The following MOV10L1 variants were observed in gnomAD, a reference collection of about 807,000 sequenced individuals.
The protein encoded by MOV10L1 is RNA helicase Mov10l1.
Under a neutral mutation model 143.8 loss-of-function variants are expected in MOV10L1, and 110 were observed. The ratio of observed to expected loss-of-function variants is 0.76; its 90% CI spans 0.66 to 0.90. The LOEUF (loss-of-function observed/expected upper bound fraction) is 0.90. Ranked by LOEUF, MOV10L1 falls within the 40% of genes least tolerant of loss-of-function variation. The pLI is 0.00. For missense variants in MOV10L1, 1,406 were observed against 1,526.8 expected (o/e 0.92, Z 1.32); for synonymous variants, 593 against 581.1 (o/e 1.02, Z -0.29).
intron 6 of MOV10L1, among the ~76,000 whole-genome samples, chr22:50,114,067 C>T (rs1164465858): frequency 3.3e-5 from 5 of 151,524 alleles, no homozygotes; most frequent in African/African-American, 7.3e-5. Flanking sequence ...TACAGGCGCC[C>T]GCCACCACGC....
At chr22:50,153,467 G>A (rs925288723) in intron 22 of MOV10L1, among the ~76,000 whole-genome samples, 8 of 152,266 alleles carry the variant, frequency 5.3e-5, no homozygotes, top group Non-Finnish European at 1.0e-4. Flanking sequence ...CAGCAGACAA[G>A]CACTGGGCTC....
chr22:50,138,789 C>T (rs898978219), intron 15 of MOV10L1, among the ~76,000 whole-genome samples: 1 of 152,016 alleles, frequency 6.6e-6, no homozygotes, highest in Non-Finnish European at 1.5e-5. Context: ...CTGCAACCTC[C>T]GCCTCCCAGA....
At chr22:50,139,379 T>C (rs1269875859) in intron 15 of MOV10L1, among the ~76,000 whole-genome samples, 2 of 151,934 alleles carry the variant, frequency 1.3e-5, no homozygotes, top group Non-Finnish European at 2.9e-5. Context: ...AATGGATAAA[T>C]TGGACTTCAG....
At chr22:50,146,952 C>A in intron 19 of MOV10L1, 1 of 1,026,052 alleles carries the variant, frequency 9.7e-7, no homozygotes, top group African/African-American at 1.6e-5. Flanking sequence ...AGACTAGCCA[C>A]TGTGCGGTGC....
chr22:50,134,163 T>C (rs1018063425), intron 14 of MOV10L1, 98 bp downstream of exon 14: 21 of 925,386 alleles, frequency 2.3e-5, no homozygotes, highest in Non-Finnish European at 3.3e-5. Flanking sequence ...AGTCATAATA[T>C]TAGAAGTAAA....
chr22:50,155,919 T>G (rs570872413), intron 22 of MOV10L1, among the ~76,000 whole-genome samples: 10 of 152,222 alleles, frequency 6.6e-5, no homozygotes, highest in Admixed American at 3.3e-4. Flanking sequence ...GTCATGGTGG[T>G]GCACACTTGT....
At chr22:50,150,271 G>C (rs1025035578) in intron 20 of MOV10L1, among the ~76,000 whole-genome samples, 1 of 152,164 alleles carries the variant, frequency 6.6e-6, no homozygotes, top group Non-Finnish European at 1.5e-5. Flanking sequence ...CAGTCACCAG[G>C]CACTGTGGGG....
At chr22:50,103,273 C>G (rs1283876411) in intron 3 of MOV10L1, among the ~76,000 whole-genome samples, 1 of 152,192 alleles carries the variant, frequency 6.6e-6, no homozygotes. Context: ...CTGGCCTGCT[C>G]CTGAGGTTTG....
At position 50,125,587 on chromosome 22, in the gene MOV10L1, A is replaced by T. The variant is rs2062476666; in HGVS notation, c.1747+18A>T. On this transcript the variant is annotated intron_variant, in intron 11 of 26. Transcript: ENST00000262794. The stretch of plus-strand genomic sequence containing the variant: ...CTACGCAGGTGTGTTTGTTACTCAT[A>T]TGCTTCCCTGGGTGGACTAGCAGAG... 6.2e-7 allele frequency: 1 copy of T among 1,611,396 alleles called. No homozygotes were observed. The highest frequency in any genetic ancestry group is 1.3e-5 in the African/African-American group (1 of 74,936).
At chr22:50,157,011 C>T (rs1309724143) in intron 22 of MOV10L1, among the ~76,000 whole-genome samples, 2 of 152,178 alleles carry the variant, frequency 1.3e-5, no homozygotes, top group African/African-American at 2.4e-5. Context: ...ACATCCTCAC[C>T]ACCACTTATT....
chr22:50,120,089 A>G (rs568556649), intron 9 of MOV10L1, among the ~76,000 whole-genome samples: 9 of 152,324 alleles, frequency 5.9e-5, no homozygotes, highest in African/African-American at 2.2e-4. Flanking sequence ...GGCAGGACCC[A>G]GACAGAGCAG....
At chr22:50,127,154 A>G (rs4838807) in intron 12 of MOV10L1, among the ~76,000 whole-genome samples, 34,147 of 151,980 alleles carry the variant, frequency 0.22, 4,200 homozygotes, top group Admixed American at 0.35. Context: ...AGATGGCCGA[A>G]TGACCATCTT....
intron 22 of MOV10L1, among the ~76,000 whole-genome samples, chr22:50,156,409 C>A (rs976377366): frequency 6.6e-6 from 1 of 152,200 alleles, no homozygotes; most frequent in African/African-American, 2.4e-5. Flanking sequence ...AGCCACCACG[C>A]CTGGACTCCA....
At chr22:50,129,292 C>T (rs2062606110) in intron 13 of MOV10L1, among the ~76,000 whole-genome samples, 1 of 152,156 alleles carries the variant, frequency 6.6e-6, no homozygotes, top group Non-Finnish European at 1.5e-5. Context: ...GGTGCTGTGA[C>T]CTGGCACCCA....
chr22:50,140,466 G>A (rs1203342894), intron 15 of MOV10L1, among the ~76,000 whole-genome samples: 2 of 152,170 alleles, frequency 1.3e-5, no homozygotes, highest in Non-Finnish European at 2.9e-5. Flanking sequence ...GACCATGGGT[G>A]TCCAATCTTT....
At chr22:50,151,022 G>C (rs942223642) in intron 21 of MOV10L1, 123 bp downstream of exon 21, 1 of 1,252,898 alleles carries the variant, frequency 8.0e-7, no homozygotes, top group Non-Finnish European at 1.1e-6. Flanking sequence ...GTGCAGGGGA[G>C]CACCCACCAT....
At chr22:50,149,756 G>C in intron 20 of MOV10L1, 42 bp downstream of exon 20, 1 of 1,541,556 alleles carries the variant, frequency 6.5e-7, no homozygotes, top group Non-Finnish European at 8.9e-7. Flanking sequence ...TCCTCACCCC[G>C]TTCTCCTGAG....
rs576803631 is a variant in MOV10L1, at chr22:50,150,740, G to C, written c.2733G>C (p.Val911=). The change falls in exon 21 of 27, where the codon GTG becomes GTC. Residue 911 remains valine (V), a synonymous_variant. Transcript: ENST00000262794. ...GACGGGCCCTCTGTGTGCAGATCGT[G>C]CTGGCAGGAGACCCCATGCAGCTCG... ...GLMSDISGQI[V]LAGDPMQLGP... 2.6e-5 allele frequency: 42 copies of C among 1,613,848 alleles called. No homozygotes were observed. The South Asian group carries it at 2.9e-4, about 11-fold the overall frequency.
At chr22:50,144,375 T>C in intron 18 of MOV10L1, 132 bp downstream of exon 18, 1 of 1,167,184 alleles carries the variant, frequency 8.6e-7, no homozygotes, top group Non-Finnish European at 1.2e-6. Context: ...GTTTGAGAAA[T>C]GGCTCTGCCA....
Sources: allele counts gnomAD v4.1 joint callset (sites outside exome capture counted in the v4.1 genomes callset), GRCh38; gene constraint gnomAD v4.1.1; transcripts MANE v1.5; gene names NCBI Gene and HGNC (gene_info 2026-07-23, HGNC 2026-07-21).